Variants in RASGRF2 observed in about 807,000 individuals in gnomAD.
RASGRF2 encodes ras-specific guanine nucleotide-releasing factor 2.
RASGRF2 carries 76 observed loss-of-function variants against 151.0 expected under a neutral mutation model. The ratio of observed to expected loss-of-function variants is 0.50; its 90% CI spans 0.42 to 0.61. The LOEUF is 0.61. RASGRF2 is among the 20% of genes least tolerant of loss of function. The pLI is 0.00. For synonymous variants in RASGRF2, 504 were observed against 566.5 expected (o/e 0.89, Z 1.57); for missense variants, 1,148 against 1,564.6 (o/e 0.73, Z 4.49).
chr5:81,219,799 A>G, intron 26 of RASGRF2, 21 bp downstream of exon 26: 1 of 1,555,004 alleles, frequency 6.4e-7, no homozygotes, highest in Non-Finnish European at 8.8e-7. Context: ...GTGGCTGTGA[A>G]GAAATTAATA....
chr5:81,180,889 AATTT>A (rs1754901820), intron 18 of RASGRF2, among the ~76,000 whole-genome samples: 1 of 151,926 alleles, frequency 6.6e-6, no homozygotes, highest in South Asian at 2.1e-4. Context: ...ACGTTTGTAG[AATTT>A]ATTCCCCTTT....
At chr5:81,217,992 T>TG (rs569910239) in intron 25 of RASGRF2, among the ~76,000 whole-genome samples, 4 of 152,290 alleles carry the variant, frequency 2.6e-5, no homozygotes, top group Non-Finnish European at 5.9e-5. Context: ...TCTGCCCGCC[T>TG]GGGACTCCCA....
intron 2 of RASGRF2, among the ~76,000 whole-genome samples, chr5:81,061,781 G>A (rs1291650512): frequency 6.6e-6 from 1 of 151,766 alleles, no homozygotes; most frequent in Non-Finnish European, 1.5e-5. Context: ...TGATCTCCCG[G>A]GCTCAAGTTA....
chr5:81,144,920 C>T (rs1753968877), intron 17 of RASGRF2, among the ~76,000 whole-genome samples: 1 of 151,966 alleles, frequency 6.6e-6, no homozygotes, highest in African/African-American at 2.4e-5. Context: ...ATTGCCTTGG[C>T]CCAATGCACA....
intron 1 of RASGRF2, among the ~76,000 whole-genome samples, chr5:81,028,153 A>C (rs1750101965): frequency 6.6e-6 from 1 of 151,942 alleles, no homozygotes; most frequent in African/African-American, 2.4e-5. Context: ...ACGAGCCTGA[A>C]AACTGAGATT....
At chr5:81,161,908 C>G (rs1365721825) in intron 17 of RASGRF2, among the ~76,000 whole-genome samples, 1 of 146,938 alleles carries the variant, frequency 6.8e-6, no homozygotes. Flanking sequence ...CCAGTCAGAC[C>G]GTTTTTTTTT....
chr5:81,194,179 T>TA (rs34067957), intron 18 of RASGRF2, among the ~76,000 whole-genome samples: 44,428 of 130,922 alleles, frequency 0.34, 7,341 homozygotes, highest in Middle Eastern at 0.38. Context: ...GCCCCATCTC[T>TA]AAAAAAAAAA....
chr5:81,049,995 T>C (rs1188329809), intron 2 of RASGRF2, among the ~76,000 whole-genome samples: 1 of 152,190 alleles, frequency 6.6e-6, no homozygotes, highest in African/African-American at 2.4e-5. Flanking sequence ...CAGCTTCATG[T>C]TCCCTTCCTG....
chr5:81,167,762 G>A (rs1458845000), intron 17 of RASGRF2, among the ~76,000 whole-genome samples: 1 of 152,136 alleles, frequency 6.6e-6, no homozygotes, highest in African/African-American at 2.4e-5. Flanking sequence ...ATCAAAGGTG[G>A]GGAGTAGGAG....
At chr5:81,092,734 C>T (rs1752426140) in intron 9 of RASGRF2, 67 bp from the exon 10 acceptor site, 4 of 1,433,096 alleles carry the variant, frequency 2.8e-6, no homozygotes, top group Non-Finnish European at 3.8e-6. Context: ...GTGTTTATTG[C>T]CGTGGACATG....
At chr5:81,107,196 CAA>C (rs35987554) in intron 12 of RASGRF2, among the ~76,000 whole-genome samples, 18 of 94,270 alleles carry the variant, frequency 1.9e-4, no homozygotes, top group Admixed American at 3.6e-4. Context: ...CCTGTCTCTA[CAA>C]AAAAAAAAAA....
chr5:81,073,490 C>A (rs569176870), intron 5 of RASGRF2, 38 bp downstream of exon 5: 8 of 1,568,082 alleles, frequency 5.1e-6, no homozygotes, highest in Non-Finnish European at 6.0e-6. Context: ...ATGAGAAAAA[C>A]CCCTTTGTAT....
chr5:80,973,051 T>G (rs947283480), intron 1 of RASGRF2, among the ~76,000 whole-genome samples: 5 of 152,226 alleles, frequency 3.3e-5, no homozygotes, highest in Non-Finnish European at 5.9e-5. Context: ...CTAAACTTTA[T>G]GTAGTATAAG....
chr5:81,127,167 A>T lies in RASGRF2; in HGVS notation c.2686+4A>T. 1 of 1,612,448 alleles carries T rather than the reference A, an allele frequency of 6.2e-7. No individual in the cohort carries two copies. The highest frequency in any genetic ancestry group is 8.5e-7 in the Non-Finnish European group (1 of 1,178,612). ...GCAGGACATGGGAGTCCACCAGGTGAGTAGGGGAGCAGCTATGTACAGATA... is the reference window on the plus strand; with the variant it reads ...GCAGGACATGGGAGTCCACCAGGTGTGTAGGGGAGCAGCTATGTACAGATA... On this transcript the variant is annotated splice_donor_region_variant and intron_variant, in intron 17 of 26. Transcript: ENST00000265080.
At position 81,205,288 on chromosome 5, in the gene RASGRF2, C is replaced by T. The variant is rs542762456; in HGVS notation, c.2907-1557C>T. On this transcript the variant is annotated intron_variant, in intron 19 of 26. Transcript: ENST00000265080. ...TTGACTGTGTGCTGTGTGTGGGACC[C>T]TTGAAGAGGTGCCTTCCCTGAGCCT... 1.7e-4 allele frequency among the ~76,000 whole-genome samples: 26 copies of T among 152,300 alleles called. No individual in the cohort carries two copies. In the South Asian group the frequency reaches 3.9e-3, roughly 23 times the overall value.
At chr5:81,140,530 A>G (rs908500418) in intron 17 of RASGRF2, among the ~76,000 whole-genome samples, 1 of 151,676 alleles carries the variant, frequency 6.6e-6, no homozygotes, top group Non-Finnish European at 1.5e-5. Flanking sequence ...GTGTGAGTAC[A>G]CTCCTGAGCC....
At chr5:81,089,415 A>G (rs1337856513) in intron 9 of RASGRF2, among the ~76,000 whole-genome samples, 3 of 152,174 alleles carry the variant, frequency 2.0e-5, no homozygotes, top group African/African-American at 7.2e-5. Flanking sequence ...AGAACTAGAA[A>G]AATACGTCAT....
intron 1 of RASGRF2, among the ~76,000 whole-genome samples, chr5:81,040,010 G>A (rs1750631607): frequency 1.3e-5 from 2 of 151,922 alleles, no homozygotes; most frequent in African/African-American, 2.4e-5. Context: ...TTGTTTGTTT[G>A]TTTTGAGACA....
intron 17 of RASGRF2, among the ~76,000 whole-genome samples, chr5:81,163,382 T>C (rs1164652373): frequency 1.3e-5 from 2 of 152,168 alleles, no homozygotes; most frequent in Non-Finnish European, 2.9e-5. Context: ...TCTTCAGTTA[T>C]GCTTATGAAA....
Sources: allele counts gnomAD v4.1 joint callset (sites outside exome capture counted in the v4.1 genomes callset), GRCh38; gene constraint gnomAD v4.1.1; transcripts MANE v1.5; gene names NCBI Gene and HGNC (gene_info 2026-07-23, HGNC 2026-07-21).